ODAD1: variants seen among roughly 807,000 people sequenced by gnomAD.
The protein encoded by ODAD1 is outer dynein arm docking complex subunit 1.
Under a neutral mutation model 67.2 loss-of-function variants are expected in ODAD1, and 49 were observed. The ratio of observed to expected loss-of-function variants is 0.73; its 90% CI spans 0.58 to 0.92. The LOEUF (loss-of-function observed/expected upper bound fraction) is 0.92, where lower values mean the gene tolerates loss of function less well. ODAD1 is among the 40% of genes least tolerant of loss of function. ODAD1 has a pLI of 0.00. For missense variants in ODAD1, 897 were observed against 953.7 expected (o/e 0.94, Z 0.78); for synonymous variants, 345 against 393.7 (o/e 0.88, Z 1.46).
rs188010711 is a variant in ODAD1, at chr19:48,303,825, C to T, written c.854-41G>A. On this transcript the variant is annotated intron_variant, in intron 9 of 15. Transcript: ENST00000674294. ...ACAGCAGGTCGGCCTCCTGGGTGGC[C>T]TCCAACACAGAGACCTCCTGGGTGA... The T allele has an allele frequency of 8.5e-4, 1,340 of 1,584,510 alleles. 15 individuals carry two copies. In the African/African-American group the frequency reaches 0.016, roughly 19 times the overall value.
At position 48,296,685 on chromosome 19, in the gene ODAD1, AG is replaced by A; in HGVS notation, c.*290del. 9.7e-7 allele frequency: 1 copy of A among 1,028,618 alleles called. No individual in the cohort carries two copies. The highest frequency in any genetic ancestry group is 1.2e-6 in the Non-Finnish European group (1 of 802,480). The allele number at this position is 1,028,618 out of a possible 1,614,324, so 63.7% of individuals were successfully genotyped here. On this transcript the variant is annotated 3_prime_UTR_variant, in exon 16 of 16. Transcript: ENST00000674294. The stretch of plus-strand genomic sequence containing the variant: ...CACAGGGGGCCAGGGCTCAGCAGAC[AG>A]GGAAGGGGCAGATATGGAGACAAGA...
In ODAD1 at chr19:48,318,701, C is replaced by T. The variant is rs758047379; in HGVS notation, c.170+12G>A. The T allele has an allele frequency of 1.6e-5, 24 of 1,541,946 alleles. No homozygotes were observed. The highest frequency in any genetic ancestry group is 9.8e-5 in the Admixed American group (5 of 50,944). On this transcript the variant is annotated intron_variant, in intron 4 of 15. Transcript: ENST00000674294. ...CCTCCTCCCCAGCTCAGGGCCCAGG[C>T]GCCCAGCTCACAGTTGCTTGTTGAT...
At position 48,312,477 on chromosome 19, in the gene ODAD1, C is replaced by T. The variant is rs1453028268; in HGVS notation, c.361-361G>A. 3.0e-5 allele frequency among the ~76,000 whole-genome samples: 4 copies of T among 134,618 alleles called. No homozygotes were observed. In the South Asian group the frequency reaches 7.4e-4, roughly 25 times the overall value. The allele number at this position is 134,618 out of a possible 152,430, so 88.3% of individuals were successfully genotyped here. A position where few individuals can be genotyped will look rare whatever the true frequency, so the allele number is the denominator to read the frequency against. On this transcript the variant is annotated intron_variant, in intron 5 of 15. Coordinates refer to ENST00000674294, the MANE Select transcript of ODAD1 (RefSeq NM_001364171.2). ...TCTCCCAGGCTGGAGTGTGCAGTGG[C>T]GCGATCTTGGCTCACTGCAACCTCC...
rs775044044 is a variant in ODAD1 at position 48,304,111 on chromosome 19, A to G, written c.695T>C (p.Leu232Pro). Residue 232 changes from leucine (L) to proline (P), a missense_variant, in exon 9 of 16, where the codon CTG becomes CCG. Transcript: ENST00000674294. Reference sequence around the variant, plus strand: ...CTCCTCTTTCTCCGCGCGCTCCCGCAGCAAGCCCATCTTGGCCTTCGCCTC... The same window carrying G: ...CTCCTCTTTCTCCGCGCGCTCCCGCGGCAAGCCCATCTTGGCCTTCGCCTC... ...REEAKAKMGL[L>P]RERAEKEEAQ... 3 of 1,611,926 alleles carry G rather than the reference A, an allele frequency of 1.9e-6. No individual in the cohort carries two copies. Among genetic ancestry groups the G allele is most frequent in the Admixed American group, 3.3e-5 (2 of 59,966 alleles).
rs143611749 is a variant in ODAD1, at chr19:48,315,282, C to G, written c.360+3105G>C. 1.9e-3 allele frequency among the ~76,000 whole-genome samples: 294 copies of G among 152,248 alleles called. 7 individuals are homozygous for G. Among genetic ancestry groups the G allele is most frequent in the African/African-American group, 6.8e-3 (282 of 41,552 alleles). The stretch of plus-strand genomic sequence containing the variant: ...AATGTGGGATGGGCACGGTGGCTCA[C>G]GCCTGTAATCCCAGCACTTTGGGAG... On this transcript the variant is annotated intron_variant, in intron 5 of 15. Coordinates refer to ENST00000674294, the MANE Select transcript of ODAD1 (RefSeq NM_001364171.2).
intron 5 of ODAD1, among the ~76,000 whole-genome samples, chr19:48,312,419 T>G (rs1320240748): frequency 1.6e-4 from 23 of 141,306 alleles, no homozygotes; most frequent in South Asian, 7.1e-4. Flanking sequence ...TTTGTTTTTT[T>G]TTTTTTTTTT....
At chr19:48,321,635 C>T (rs1969032299) in intron 1 of ODAD1, 43 bp downstream of exon 1, 1 of 381,042 alleles carries the variant, frequency 2.6e-6, no homozygotes, top group Non-Finnish European at 4.6e-6. Context: ...TGCGGGAGGT[C>T]GAAATGGTCC....
chr19:48,321,338 G>A (rs1276668852), intron 1 of ODAD1, among the ~76,000 whole-genome samples: 1 of 152,230 alleles, frequency 6.6e-6, no homozygotes, highest in Non-Finnish European at 1.5e-5. Flanking sequence ...GCCCTGAGAG[G>A]TGCACGGCTG....
rs1305569088 is a variant in ODAD1, at chr19:48,306,299, C to A, written c.622G>T (p.Val208Phe). Residue 208 changes from valine (V) to phenylalanine (F), a missense_variant, in exon 8 of 16, where the codon GTC (valine) becomes TTC (phenylalanine). Physicochemically the swap from Val to Phe is conservative, Grantham distance 50 (BLOSUM62 -1). Coordinates refer to ENST00000674294, the MANE Select transcript of ODAD1 (RefSeq NM_001364171.2). Reference protein sequence around the residue: ...KKEIHHLHHLVSTLILSSTSA... With the variant: ...KKEIHHLHHLFSTLILSSTSA... ...GTGGAGGAGAGGATAAGGGTGCTGA[C>A]CAGGTGATGCAGGTGGTGGATCTCC... 1 of 1,551,408 alleles carries A rather than the reference C, an allele frequency of 6.4e-7. No individual in the cohort carries two copies. The highest frequency in any genetic ancestry group is 8.7e-7 in the Non-Finnish European group (1 of 1,146,862).
rs73585348 is a variant in ODAD1, at chr19:48,300,477, G to C, written c.1241-2137C>G. On this transcript the variant is annotated intron_variant, in intron 12 of 15. Coordinates refer to ENST00000674294, the MANE Select transcript of ODAD1 (RefSeq NM_001364171.2). The stretch of plus-strand genomic sequence containing the variant: ...ATAATGCCTTTGTAACCTCAGGACA[G>C]GCAAAAATTTCTTAGGCAGGCCACA... Among the ~76,000 whole-genome samples, 1,010 of 152,064 alleles carry C rather than the reference G, an allele frequency of 6.6e-3. 11 individuals carry two copies. The highest frequency in any genetic ancestry group is 0.023 in the African/African-American group (952 of 41,476).
chr19:48,311,954 C>A, intron 6 of ODAD1, 40 bp downstream of exon 6: 1 of 1,542,396 alleles, frequency 6.5e-7, no homozygotes, highest in South Asian at 1.2e-5. Flanking sequence ...TTCCCATAAC[C>A]GCACAATTCA....
intron 3 of ODAD1, chr19:48,319,896 G>T: frequency 4.4e-6 from 1 of 228,286 alleles, no homozygotes; most frequent in Non-Finnish European, 7.4e-6. Context: ...GTGAGTAGAA[G>T]CCATGGACAC....
At chr19:48,318,029 T>C (rs1968944013) in intron 5 of ODAD1, among the ~76,000 whole-genome samples, 1 of 151,210 alleles carries the variant, frequency 6.6e-6, no homozygotes, top group East Asian at 2.0e-4. Context: ...GCCGAGATTG[T>C]GCCAATGCAC....
At position 48,297,239 on chromosome 19, in the gene ODAD1, C is replaced by T; in HGVS notation, c.1861G>A (p.Gly621Ser). 1 of 1,614,116 alleles carries T rather than the reference C, an allele frequency of 6.2e-7. No homozygotes were observed. Among genetic ancestry groups the T allele is most frequent in the East Asian group, 2.2e-5 (1 of 44,884 alleles). The stretch of plus-strand genomic sequence containing the variant: ...CTGGTGGAGCCGAAGGTCACGTGGC[C>T]AGTGTTGGGGTCACCGTGCGTGATG... Reference protein sequence around the residue: ...SHITHGDPNTGHVTFGSTSAS... With the variant: ...SHITHGDPNTSHVTFGSTSAS... The change falls in exon 16 of 16, where the codon GGC becomes AGC. Residue 621 changes from glycine (G) to serine (S), a missense_variant. Transcript: ENST00000674294.
intron 3 of ODAD1, 97 bp downstream of exon 3, chr19:48,320,202 G>T: frequency 1.1e-6 from 1 of 931,590 alleles, no homozygotes; most frequent in Non-Finnish European, 1.4e-6. Flanking sequence ...GGCGCTCCTG[G>T]ACAGACACTC....
At chr19:48,299,636 C>G (rs1968404874) in intron 12 of ODAD1, among the ~76,000 whole-genome samples, 1 of 151,122 alleles carries the variant, frequency 6.6e-6, no homozygotes, top group Non-Finnish European at 1.5e-5. Flanking sequence ...AAACCCCCCT[C>G]CACTAAAAAT....
chr19:48,311,717 G>T, intron 6 of ODAD1, 51 bp from the exon 7 acceptor site: 1 of 1,116,854 alleles, frequency 9.0e-7, no homozygotes, highest in Non-Finnish European at 1.3e-6. Context: ...AAGTCTGCCT[G>T]CCTCCTCCAA....
chr19:48,303,439 C>T, intron 10 of ODAD1: 2 of 615,146 alleles, frequency 3.3e-6, no homozygotes, highest in East Asian at 5.5e-5. Context: ...AGAGTGACCC[C>T]AGGCCCAGGA....
chr19:48,296,532 TTCCCACACCTGTCAGCAC>T lies in ODAD1; in HGVS notation c.*426_*443del, dbSNP rs1968284177. 2 of 164,012 alleles carry T rather than the reference TTCCCACACCTGTCAGCAC, an allele frequency of 1.2e-5. No homozygotes were observed. The highest frequency in any genetic ancestry group is 2.6e-5 in the Non-Finnish European group (2 of 76,758). The allele number at this position is 164,012 out of a possible 1,614,324, so 10.2% of individuals were successfully genotyped here. A position where few individuals can be genotyped will look rare whatever the true frequency, so the allele number is the denominator to read the frequency against. On this transcript the variant is annotated 3_prime_UTR_variant, in exon 16 of 16. Coordinates refer to ENST00000674294, the MANE Select transcript of ODAD1 (RefSeq NM_001364171.2). Reference sequence around the variant, plus strand: ...GAACCTGGCGTCTTCGCCCTGACTTTTCCCACACCTGTCAGCACTGGGGGGCTCTTGGGGAGTAAGGAG... The same window carrying T: ...GAACCTGGCGTCTTCGCCCTGACTTTTGGGGGGCTCTTGGGGAGTAAGGAG...
Sources: gnomAD v4.1 joint callset for allele counts (sites outside exome capture counted in the v4.1 genomes callset) on GRCh38, gnomAD v4.1.1 for gene constraint, MANE v1.5 for transcripts, NCBI Gene and HGNC (gene_info 2026-07-23, HGNC 2026-07-21) for gene names.